Variants in MICU2 observed in about 807,000 individuals in gnomAD.
MICU2 encodes calcium uptake protein 2, mitochondrial.
In MICU2, 64 loss-of-function variants were observed where a neutral mutation model predicts 60.4. The ratio of observed to expected loss-of-function variants is 1.06; its 90% confidence interval spans 0.87 to 1.31. The LOEUF (loss-of-function observed/expected upper bound fraction) is 1.31, where lower values mean the gene tolerates loss of function less well. MICU2 is among the 50% of genes most tolerant of loss of function. MICU2 has a pLI of 0.00. For synonymous variants in MICU2, 201 were observed against 175.0 expected, an observed-to-expected ratio of 1.15 and a Z score of -1.17; for missense variants, 569 against 531.0, an observed-to-expected ratio of 1.07 and a Z score of -0.70.
intron 1 of MICU2, among the ~76,000 whole-genome samples, chr13:21,568,419 C>T (rs1652050872): frequency 6.6e-6 from 1 of 152,080 alleles, no homozygotes; most frequent in Non-Finnish European, 1.5e-5. Flanking sequence ...TATGCCTTTC[C>T]TTTTCTTTTC....
intron 4 of MICU2, among the ~76,000 whole-genome samples, chr13:21,525,482 C>T (rs1215119430): frequency 5.3e-5 from 8 of 151,842 alleles, no homozygotes; most frequent in South Asian, 2.1e-4. Context: ...TGAGCCACCG[C>T]GCCTGGCCAA....
intron 1 of MICU2, chr13:21,603,555 T>G (rs927137982): frequency 4.0e-6 from 1 of 252,902 alleles, no homozygotes; most frequent in Non-Finnish European, 7.5e-6. Context: ...CCTGCGGATG[T>G]GAATGCCACT....
chr13:21,495,926 C>G, intron 10 of MICU2, 126 bp downstream of exon 10: 1 of 625,576 alleles, frequency 1.6e-6, no homozygotes, highest in Non-Finnish European at 2.7e-6. Context: ...AATAACCACA[C>G]TGAATTAAAA....
At chr13:21,537,589 C>A (rs1424453284) in intron 4 of MICU2, among the ~76,000 whole-genome samples, 1 of 151,964 alleles carries the variant, frequency 6.6e-6, no homozygotes, top group Non-Finnish European at 1.5e-5. Context: ...ACTGCCTCAG[C>A]CTCCTGAGTA....
At chr13:21,546,672 G>A (rs146032019) in intron 2 of MICU2, among the ~76,000 whole-genome samples, 3 of 152,290 alleles carry the variant, frequency 2.0e-5, no homozygotes, top group East Asian at 3.9e-4. Context: ...GGCTGAGGTG[G>A]CTCCTATCTA....
chr13:21,570,454 A>G (rs967586804), intron 1 of MICU2, among the ~76,000 whole-genome samples: 9 of 152,192 alleles, frequency 5.9e-5, no homozygotes, highest in African/African-American at 2.2e-4. Context: ...CATTTTTATA[A>G]TAATTCTGAT....
chr13:21,569,559 A>G (rs1311136027), intron 1 of MICU2, among the ~76,000 whole-genome samples: 1 of 152,096 alleles, frequency 6.6e-6, no homozygotes, highest in East Asian at 1.9e-4. Context: ...CTCTGAAGAA[A>G]ACACTGAATT....
chr13:21,568,064 C>T lies in MICU2; in HGVS notation c.211-1120G>A, dbSNP rs1566163953. 2.6e-5 allele frequency among the ~76,000 whole-genome samples: 4 copies of T among 152,176 alleles called. No individual in the cohort carries two copies. The South Asian group carries it at 8.3e-4, about 32-fold the overall frequency. ...TTGCTTTCCTGAGACACTGCTCTAA[C>T]CTGGACCACAGTATCCTTCCTGGAC... On this transcript the variant is annotated intron_variant, in intron 1 of 11. Transcript: ENST00000382374.
At chr13:21,552,215 G>C (rs1593340781) in intron 2 of MICU2, among the ~76,000 whole-genome samples, 2 of 152,124 alleles carry the variant, frequency 1.3e-5, no homozygotes, top group Non-Finnish European at 2.9e-5. Flanking sequence ...TGTGTTTTTT[G>C]GCTGCATAAA....
intron 4 of MICU2, among the ~76,000 whole-genome samples, chr13:21,527,898 A>C (rs1469506202): frequency 6.6e-6 from 1 of 152,192 alleles, no homozygotes; most frequent in Non-Finnish European, 1.5e-5. Flanking sequence ...AAGATGAATA[A>C]ATTCTGTCAG....
chr13:21,592,021 G>A (rs755012019), intron 1 of MICU2, among the ~76,000 whole-genome samples: 6 of 149,086 alleles, frequency 4.0e-5, no homozygotes, highest in South Asian at 2.1e-4. Context: ...TCAGAGAAGC[G>A]TTGAAGGAGA....
At chr13:21,550,092 C>G (rs1406341795) in intron 2 of MICU2, among the ~76,000 whole-genome samples, 1 of 152,168 alleles carries the variant, frequency 6.6e-6, no homozygotes. Context: ...TAGCTGCACA[C>G]ACAGGAGCCA....
intron 2 of MICU2, among the ~76,000 whole-genome samples, chr13:21,548,503 TAGCAGCTAC>T (rs895415327): frequency 7.2e-4 from 110 of 152,350 alleles, no homozygotes; most frequent in African/African-American, 2.5e-3. Flanking sequence ...TTTTAACCTA[TAGCAGCTAC>T]AGGTCTTCTC....
At chr13:21,546,043 TAAATAA>T (rs1233761152) in intron 2 of MICU2, among the ~76,000 whole-genome samples, 1 of 152,144 alleles carries the variant, frequency 6.6e-6, no homozygotes, top group Non-Finnish European at 1.5e-5. Flanking sequence ...AAAAAATCAA[TAAATAA>T]AACATTTTAA....
rs116403302 is a variant in MICU2 at position 21,598,017 on chromosome 13, G to A, written c.210+5922C>T. On this transcript the variant is annotated intron_variant, in intron 1 of 11. Coordinates refer to ENST00000382374, the MANE Select transcript of MICU2 (RefSeq NM_152726.3). ...AACTGATAACAGAGAAGACTTTTAC[G>A]TATTTATAAATACAAATGTAAATAA... Among the ~76,000 whole-genome samples the A allele has an allele frequency of 7.6e-3, 1,140 of 150,970 alleles. 17 individuals carry two copies. The highest frequency in any genetic ancestry group is 0.026 in the African/African-American group (1,079 of 41,180).
chr13:21,581,227 C>T (rs1380221869), intron 1 of MICU2, among the ~76,000 whole-genome samples: 4 of 152,184 alleles, frequency 2.6e-5, no homozygotes, highest in African/African-American at 9.7e-5. Context: ...AAGCAATTCT[C>T]GTGCCTCAGC....
At chr13:21,544,516 G>GAAAAAAAAAAAA (rs10628955) in intron 2 of MICU2, among the ~76,000 whole-genome samples, 7 of 77,390 alleles carry the variant, frequency 9.0e-5, no homozygotes, top group African/African-American at 1.5e-4. Context: ...ATAAACACAT[G>GAAAAAAAAAAAA]AAAAAAAAAA....
At chr13:21,574,013 C>T (rs1228937536) in intron 1 of MICU2, among the ~76,000 whole-genome samples, 5 of 152,256 alleles carry the variant, frequency 3.3e-5, no homozygotes, top group East Asian at 1.9e-4. Flanking sequence ...CAAACCTACT[C>T]GGTTGGCAGT....
intron 1 of MICU2, 29 bp downstream of exon 1, chr13:21,603,910 G>A (rs746025148): frequency 3.1e-6 from 5 of 1,607,634 alleles, no homozygotes; most frequent in South Asian, 2.2e-5. Flanking sequence ...GAGCTTGACT[G>A]GGGCTAGCAG....
Sources: gnomAD v4.1 joint callset for allele counts (sites outside exome capture counted in the v4.1 genomes callset) on GRCh38, gnomAD v4.1.1 for gene constraint, MANE v1.5 for transcripts, NCBI Gene and HGNC (gene_info 2026-07-23, HGNC 2026-07-21) for gene names.